CYP3A43: variants seen among roughly 807,000 people sequenced by gnomAD.
CYP3A43 encodes cytochrome P450 3A43.
In CYP3A43, 45 loss-of-function variants were observed where a neutral mutation model predicts 58.0. The ratio of observed to expected loss-of-function variants is 0.78; its 90% CI spans 0.61 to 0.99. CYP3A43 has a LOEUF of 0.99. CYP3A43 is among the 50% of genes least tolerant of loss of function. The pLI, the probability that CYP3A43 is intolerant of heterozygous loss-of-function variation, is 0.00. For synonymous variants in CYP3A43, 191 were observed against 201.4 expected (o/e 0.95, Z 0.44); for missense variants, 593 against 591.9 (o/e 1.00, Z -0.02).
chr7:99,856,975 A>G (rs1584234409), intron 9 of CYP3A43, 76 bp downstream of exon 9: 3 of 1,496,328 alleles, frequency 2.0e-6, no homozygotes, highest in Admixed American at 4.3e-5. Flanking sequence ...ATGTGCAGAA[A>G]GTTTTCCAGG....
At chr7:99,865,127 C>T (rs974258134) in intron 12 of CYP3A43, among the ~76,000 whole-genome samples, 1 of 148,356 alleles carries the variant, frequency 6.7e-6, no homozygotes, top group African/African-American at 2.6e-5. Flanking sequence ...AAAAGCAGGT[C>T]TCTGGCACAC....
chr7:99,848,866 C>T (rs1817636809), intron 6 of CYP3A43, among the ~76,000 whole-genome samples: 1 of 152,348 alleles, frequency 6.6e-6, no homozygotes, highest in South Asian at 2.1e-4. Flanking sequence ...TGAGCCTGTC[C>T]TGGGCAGACT....
chr7:99,832,541 G>A (rs1409851911), intron 1 of CYP3A43, among the ~76,000 whole-genome samples: 2 of 133,186 alleles, frequency 1.5e-5, no homozygotes, highest in African/African-American at 5.6e-5. Context: ...GGACTGTTGT[G>A]GGGTGGGGGG....
At position 99,849,681 on chromosome 7, in the gene CYP3A43, T is replaced by G. The variant is rs1400879907; in HGVS notation, c.657T>G (p.Phe219Leu). Residue 219 changes from phenylalanine (F) to leucine (L), a missense_variant, in exon 7 of 13, where the codon TTT becomes TTG. Physicochemically the swap from Phe to Leu is conservative, Grantham distance 22 (BLOSUM62 0). Coordinates refer to ENST00000354829, the MANE Select transcript of CYP3A43 (RefSeq NM_057095.3). ...KLLKLDFLDP[F>L]LLLISLFPFL... is the part of the protein sequence containing the mutation. Reference sequence around the variant, plus strand: ...TAAAATTGGATTTTTTGGATCCCTTTTTACTCTTAATATGTATGTGGACTT... The same window carrying G: ...TAAAATTGGATTTTTTGGATCCCTTGTTACTCTTAATATGTATGTGGACTT... 1 of 1,606,420 alleles carries G rather than the reference T, an allele frequency of 6.2e-7. No individual in the cohort carries two copies. The highest frequency in any genetic ancestry group is 8.5e-7 in the Non-Finnish European group (1 of 1,177,678).
intron 2 of CYP3A43, among the ~76,000 whole-genome samples, chr7:99,837,935 A>G (rs969846299): frequency 1.3e-5 from 2 of 152,168 alleles, no homozygotes; most frequent in African/African-American, 4.8e-5. Flanking sequence ...TTCAGATTCT[A>G]ATTCTCCCAA....
chr7:99,846,833 T>G (rs897715333), intron 4 of CYP3A43, among the ~76,000 whole-genome samples: 1 of 152,212 alleles, frequency 6.6e-6, no homozygotes, highest in Non-Finnish European at 1.5e-5. Context: ...AAATACAGTT[T>G]TGAAAGATGG....
Position 99,828,014 on chromosome 7 carries a change from CCTCTGGG to C in CYP3A43, c.-100_-94del. The C allele has an allele frequency of 1.1e-6, 1 of 896,680 alleles. No individual in the cohort carries two copies. The highest frequency in any genetic ancestry group is 1.7e-6 in the Non-Finnish European group (1 of 591,262). The allele number at this position is 896,680 out of a possible 1,614,324, so 55.5% of individuals were successfully genotyped here. A position where few individuals can be genotyped will look rare whatever the true frequency, so the allele number is the denominator to read the frequency against. ...ATCGCTGTTAACATTAACTAAATCA[CCTCTGGG>C]CAGAGAAACAAAGCTCTATATGCAC... On this transcript the variant is annotated 5_prime_UTR_variant, in exon 1 of 13. Coordinates refer to ENST00000354829, the MANE Select transcript of CYP3A43 (RefSeq NM_057095.3).
At chr7:99,836,101 C>T (rs1291154205) in intron 1 of CYP3A43, among the ~76,000 whole-genome samples, 2 of 152,102 alleles carry the variant, frequency 1.3e-5, no homozygotes, top group Admixed American at 6.5e-5. Context: ...AATGTCCATC[C>T]CCATGTGTGC....
intron 1 of CYP3A43, among the ~76,000 whole-genome samples, chr7:99,831,476 C>A (rs1816840981): frequency 6.6e-6 from 1 of 152,230 alleles, no homozygotes; most frequent in Admixed American, 6.5e-5. Context: ...TTCAGCCACA[C>A]TTTCCTAACT....
At chr7:99,856,593 G>C (rs1817989629) in intron 8 of CYP3A43, among the ~76,000 whole-genome samples, 1 of 152,216 alleles carries the variant, frequency 6.6e-6, no homozygotes, top group Non-Finnish European at 1.5e-5. Flanking sequence ...GGATCAGGGA[G>C]AGCAAAGACT....
intron 1 of CYP3A43, among the ~76,000 whole-genome samples, chr7:99,831,397 T>C (rs887512983): frequency 6.6e-6 from 1 of 152,234 alleles, no homozygotes; most frequent in South Asian, 2.1e-4. Flanking sequence ...GTTCCTGAAT[T>C]TTGGAAGACC....
intron 2 of CYP3A43, chr7:99,838,849 G>A (rs542615965): frequency 1.9e-5 from 10 of 534,668 alleles, no homozygotes; most frequent in Admixed American, 6.9e-5. Context: ...GTGTGGTGGC[G>A]GGCCCCCATA....
At chr7:99,844,088 C>T in intron 3 of CYP3A43, 55 bp from the exon 4 acceptor site, 2 of 1,396,830 alleles carry the variant, frequency 1.4e-6, no homozygotes, top group East Asian at 2.3e-5. Context: ...TGGTGTGGTT[C>T]CAGCTGCAGA....
chr7:99,842,587 A>G (rs896928930), intron 3 of CYP3A43, among the ~76,000 whole-genome samples: 1 of 152,206 alleles, frequency 6.6e-6, no homozygotes, highest in African/African-American at 2.4e-5. Flanking sequence ...GTAATAAAAC[A>G]TACTGTGGTC....
At chr7:99,855,545 T>A (rs775464834) in intron 7 of CYP3A43, 46 bp from the exon 8 acceptor site, 1 of 1,563,528 alleles carries the variant, frequency 6.4e-7, no homozygotes, top group South Asian at 1.2e-5. Flanking sequence ...ATTTCACATT[T>A]TTCACTATGA....
At chr7:99,858,271 C>A (rs1818073224) in intron 9 of CYP3A43, among the ~76,000 whole-genome samples, 2 of 152,178 alleles carry the variant, frequency 1.3e-5, no homozygotes, top group Non-Finnish European at 2.9e-5. Flanking sequence ...ACAACATCAT[C>A]ATGAAAATTA....
chr7:99,831,113 G>T (rs117897545), intron 1 of CYP3A43, among the ~76,000 whole-genome samples: 1 of 152,166 alleles, frequency 6.6e-6, no homozygotes, highest in Non-Finnish European at 1.5e-5. Flanking sequence ...GGTTATTTTC[G>T]ATGTGTGAGT....
chr7:99,865,962 A>G lies in CYP3A43; in HGVS notation c.1473A>G (p.Leu491=), dbSNP rs1412675918. 8.7e-6 allele frequency: 14 copies of G among 1,607,514 alleles called. No homozygotes were observed. Among genetic ancestry groups the G allele is most frequent in the Non-Finnish European group, 1.2e-5 (14 of 1,177,054 alleles). ...TTCAACCAGAAAAACCTATTGTTCT[A>G]AAAGTGCACTTAAGAGATGGGATTA... ...PILQPEKPIV[L]KVHLRDGITS... is the part of the protein sequence containing the mutation. The change falls in exon 13 of 13, where the codon CTA becomes CTG. Residue 491 remains leucine, a synonymous_variant. Transcript: ENST00000354829.
chr7:99,839,338 G>A (rs898893919), intron 3 of CYP3A43, 166 bp downstream of exon 3: 3 of 825,652 alleles, frequency 3.6e-6, no homozygotes, highest in Non-Finnish European at 6.1e-6. Context: ...TGGGAATTGA[G>A]CATTGCAAGG....
Sources: gnomAD v4.1 joint callset for allele counts (sites outside exome capture counted in the v4.1 genomes callset) on GRCh38, gnomAD v4.1.1 for gene constraint, MANE v1.5 for transcripts, NCBI Gene and HGNC (gene_info 2026-07-23, HGNC 2026-07-21) for gene names.